The following TTC38 variants were observed in gnomAD, a reference collection of about 807,000 sequenced individuals.
TTC38 encodes the protein tetratricopeptide repeat protein 38.
TTC38 carries 64 observed loss-of-function variants against 64.2 expected under a neutral mutation model. The ratio of observed to expected loss-of-function variants is 1.00; its 90% CI spans 0.81 to 1.23. The LOEUF is 1.23. TTC38 is among the 50% of genes most tolerant of loss of function. The probability of loss-of-function intolerance (pLI) is 0.00; values close to 1 mark genes in which losing one functional copy is unlikely to be tolerated. For missense variants in TTC38, 573 were observed against 615.5 expected (o/e 0.93, Z 0.73); for synonymous variants, 254 against 249.3 (o/e 1.02, Z -0.18).
rs908819818 is a variant in TTC38, at chr22:46,273,056, A to G, written c.193+640A>G. Among the ~76,000 whole-genome samples the G allele has an allele frequency of 2.0e-5, 3 of 152,190 alleles. No individual in the cohort carries two copies. Among genetic ancestry groups the G allele is most frequent in the African/African-American group, 7.2e-5 (3 of 41,452 alleles). Reference sequence around the variant, plus strand: ...CACCCTTCTCACCCTGCTGCAGCCTAGTCAGACTTAAGGCAGGGGACTTGT... The same window carrying G: ...CACCCTTCTCACCCTGCTGCAGCCTGGTCAGACTTAAGGCAGGGGACTTGT... On this transcript the variant is annotated intron_variant, in intron 3 of 13. Coordinates refer to ENST00000381031, the MANE Select transcript of TTC38 (RefSeq NM_017931.4). The surrounding 1 kb of genome is among the most constrained non-coding windows in gnomAD (Gnocchi z 5.1).
Position 46,275,496 on chromosome 22 carries a change from C to G in TTC38, c.539+75C>G, listed in dbSNP as rs989475300. The G allele has an allele frequency of 1.4e-6, 2 of 1,440,594 alleles. No individual in the cohort carries two copies. The highest frequency in any genetic ancestry group is 2.1e-5 in the Admixed American group (1 of 48,694). The allele number at this position is 1,440,594 out of a possible 1,614,324, so 89.2% of individuals were successfully genotyped here. ...TCTGCCCTAAAAATATGGTGACTCT[C>G]TTGGCCCTGTCCTAAAAATAATGGG... is the stretch of plus-strand genomic sequence containing the variant. On this transcript the variant is annotated intron_variant, in intron 5 of 13. Transcript: ENST00000381031. The surrounding 1 kb of genome is among the most constrained non-coding windows in gnomAD (Gnocchi z 4.5).
intron 10 of TTC38, 91 bp downstream of exon 10, chr22:46,287,245 A>G: frequency 8.4e-7 from 1 of 1,192,168 alleles, no homozygotes; most frequent in Non-Finnish European, 1.2e-6. Context: ...GTTGGGCAAG[A>G]GCTCATGGGT....
intron 2 of TTC38, 50 bp downstream of exon 2, chr22:46,268,641 AG>A (rs1441510830): frequency 1.3e-6 from 2 of 1,557,852 alleles, no homozygotes; most frequent in East Asian, 4.5e-5. Context: ...GTCTAGGGGA[AG>A]GTTTTTTAAT....
Position 46,272,830 on chromosome 22 carries a change from G to A in TTC38, c.193+414G>A, listed in dbSNP as rs879901648. Among the ~76,000 whole-genome samples the A allele has an allele frequency of 8.5e-5, 13 of 152,218 alleles. No homozygotes were observed. Among genetic ancestry groups the A allele is most frequent in the Non-Finnish European group, 1.3e-4 (9 of 67,996 alleles). On this transcript the variant is annotated intron_variant, in intron 3 of 13. Transcript: ENST00000381031. The surrounding 1 kb of genome is among the most constrained non-coding windows in gnomAD (Gnocchi z 6.4). ...ATGAGAGGTGGCTGCTGCAGCCTCC[G>A]TCAGGGGACCAGTGAGGCCTCATCC...
In TTC38 at chr22:46,291,155, C is replaced by T. The variant is rs535266302; in HGVS notation, c.1316+1256C>T. Among the ~76,000 whole-genome samples the T allele has an allele frequency of 5.1e-4, 77 of 152,346 alleles. No homozygotes were observed. The highest frequency in any genetic ancestry group is 1.8e-3 in the African/African-American group (74 of 41,568). On this transcript the variant is annotated intron_variant, in intron 13 of 13. Coordinates refer to ENST00000381031, the MANE Select transcript of TTC38 (RefSeq NM_017931.4). This position sits in a 1 kb window ranked among gnomAD's most constrained non-coding sequence, Gnocchi z 4.6. Reference sequence around the variant, plus strand: ...GCCTAGAACTGTAAAATGTCTTGGACGCATGCTCCCCGCTTTCCCCTTCCA... The same window carrying T: ...GCCTAGAACTGTAAAATGTCTTGGATGCATGCTCCCCGCTTTCCCCTTCCA...
At chr22:46,289,218 C>T (rs1244185131) in intron 11 of TTC38, among the ~76,000 whole-genome samples, 184 bp from the exon 12 acceptor site, 1 of 152,162 alleles carries the variant, frequency 6.6e-6, no homozygotes, top group Non-Finnish European at 1.5e-5. Flanking sequence ...AACTCCAACC[C>T]AGCTCTGAGC....
Position 46,281,768 on chromosome 22 carries a change from C to T in TTC38, c.735+50C>T, listed in dbSNP as rs1350147795. ...CTCCCTGGGAAATTCAGTGCATCCCCTTGAGTCAGGCCAAGGCTTTATGGA... is the reference window on the plus strand; with the variant it reads ...CTCCCTGGGAAATTCAGTGCATCCCTTTGAGTCAGGCCAAGGCTTTATGGA... On this transcript the variant is annotated intron_variant, in intron 7 of 13. Coordinates refer to ENST00000381031, the MANE Select transcript of TTC38 (RefSeq NM_017931.4). This position sits in a 1 kb window ranked among gnomAD's most constrained non-coding sequence, Gnocchi z 5.2. The T allele has an allele frequency of 1.9e-6, 3 of 1,610,532 alleles. No individual in the cohort carries two copies. The highest frequency in any genetic ancestry group is 2.2e-5 in the South Asian group (2 of 90,942).
At chr22:46,288,378 C>T (rs572443999) in intron 10 of TTC38, 45 bp from the exon 11 acceptor site, 98 of 1,588,684 alleles carry the variant, frequency 6.2e-5, no homozygotes, top group Non-Finnish European at 1.8e-5. Context: ...GGGACATGCC[C>T]CAGAGCCTCA....
In TTC38 at chr22:46,281,988, C is replaced by A; in HGVS notation, c.735+270C>A. ...CCTTACAGGGCCTGGTCAGGAGGAG[C>A]GAGCAGCCTCTTCAAAGCACATGAG... On this transcript the variant is annotated intron_variant, in intron 7 of 13. Transcript: ENST00000381031. The surrounding 1 kb of genome is among the most constrained non-coding windows in gnomAD (Gnocchi z 5.2). 1 of 600,276 alleles carries A rather than the reference C, an allele frequency of 1.7e-6. No individual in the cohort carries two copies. The highest frequency in any genetic ancestry group is 3.2e-6 in the Non-Finnish European group (1 of 310,538). 37.2% of individuals were successfully genotyped at this position (600,276 alleles called of 1,614,324 possible).
rs1167262612 is a variant in TTC38 at position 46,292,775 on chromosome 22, G to A, written c.1317-16G>A. The A allele has an allele frequency of 1.2e-6, 2 of 1,610,968 alleles. No homozygotes were observed. Among genetic ancestry groups the A allele is most frequent in the Non-Finnish European group, 1.7e-6 (2 of 1,177,300 alleles). On this transcript the variant is annotated splice_polypyrimidine_tract_variant and intron_variant, in intron 13 of 13. Transcript: ENST00000381031. This position sits in a 1 kb window ranked among gnomAD's most constrained non-coding sequence, Gnocchi z 6.5. ...TAGAAGGTTCTGTAACAGGACCTCTGTGTCTGTTTCCACAGGAGCCTTCTG... is the reference window on the plus strand; with the variant it reads ...TAGAAGGTTCTGTAACAGGACCTCTATGTCTGTTTCCACAGGAGCCTTCTG...
Position 46,278,666 on chromosome 22 carries a change from G to T in TTC38, c.615+5G>T. 1.9e-6 allele frequency: 3 copies of T among 1,613,848 alleles called. No homozygotes were observed. The highest frequency in any genetic ancestry group is 2.5e-6 in the Non-Finnish European group (3 of 1,179,712). On this transcript the variant is annotated splice_donor_5th_base_variant and intron_variant, in intron 6 of 13. Transcript: ENST00000381031. ...GCAGAAAAACTCGCCAAAGAGGTAAGTGGGTCCTTCCTAAGGTGCCTGACC... is the reference window on the plus strand; with the variant it reads ...GCAGAAAAACTCGCCAAAGAGGTAATTGGGTCCTTCCTAAGGTGCCTGACC...
intron 12 of TTC38, 120 bp from the exon 13 acceptor site, chr22:46,289,706 C>A: frequency 6.8e-7 from 1 of 1,467,108 alleles, no homozygotes; most frequent in Non-Finnish European, 9.5e-7. Context: ...GTAAGTTCGT[C>A]GTTGAGGGTG....
rs1450569861 is a variant in TTC38 at position 46,282,058 on chromosome 22, G to A, written c.735+340G>A. 14 of 475,540 alleles carry A rather than the reference G, an allele frequency of 2.9e-5. No individual in the cohort carries two copies. Among genetic ancestry groups the A allele is most frequent in the Non-Finnish European group, 4.3e-6 (1 of 234,862 alleles). The allele number at this position is 475,540 out of a possible 1,614,324, so 29.5% of individuals were successfully genotyped here. On this transcript the variant is annotated intron_variant, in intron 7 of 13. Coordinates refer to ENST00000381031, the MANE Select transcript of TTC38 (RefSeq NM_017931.4). This position sits in a 1 kb window ranked among gnomAD's most constrained non-coding sequence, Gnocchi z 4.4. ...CTCTGTGGGATGTGGAAACGCAGAG[G>A]AAGCATTAAACTCAACTGGGCTTGG... is the stretch of plus-strand genomic sequence containing the variant.
chr22:46,272,238 GC>G lies in TTC38; in HGVS notation c.112-95del, dbSNP rs1300428906. 30 of 927,436 alleles carry G rather than the reference GC, an allele frequency of 3.2e-5. No individual in the cohort carries two copies. The African/African-American group carries it at 4.1e-4, about 13-fold the overall frequency. 57.5% of individuals were successfully genotyped at this position (927,436 alleles called of 1,614,324 possible). Reference sequence around the variant, plus strand: ...ACTCCTGACCTCAGATGTTCTGCCCGCCTCGGCCTCCCAAAGTGTAAACCTG... The same window carrying G: ...ACTCCTGACCTCAGATGTTCTGCCCGCTCGGCCTCCCAAAGTGTAAACCTG... On this transcript the variant is annotated intron_variant, in intron 2 of 13. Coordinates refer to ENST00000381031, the MANE Select transcript of TTC38 (RefSeq NM_017931.4). The surrounding 1 kb of genome is among the most constrained non-coding windows in gnomAD (Gnocchi z 6.4).
rs1429924317 is a variant in TTC38 at position 46,276,732 on chromosome 22, A to AATACATATATT, written c.539+1312_539+1313insTACATATATTA. Among the ~76,000 whole-genome samples the AATACATATATT allele has an allele frequency of 2.1e-5, 3 of 141,858 alleles. No homozygotes were observed. Among genetic ancestry groups the AATACATATATT allele is most frequent in the African/African-American group, 7.9e-5 (3 of 37,744 alleles). 93.1% of individuals were successfully genotyped at this position (141,858 alleles called of 152,430 possible). The stretch of plus-strand genomic sequence containing the variant: ...ATATATATTAAAAATATATATATTA[A>AATACATATATT]AAAAATATATATAAAATACATATAT... On this transcript the variant is annotated intron_variant, in intron 5 of 13. Transcript: ENST00000381031. The surrounding 1 kb of genome is among the most constrained non-coding windows in gnomAD (Gnocchi z 4.7).
rs1187644624 is a variant in TTC38, at chr22:46,270,729, G to A, written c.112-1606G>A. Among the ~76,000 whole-genome samples the A allele has an allele frequency of 6.6e-6, 1 of 152,196 alleles. No homozygotes were observed. Among genetic ancestry groups the A allele is most frequent in the Non-Finnish European group, 1.5e-5 (1 of 68,032 alleles). On this transcript the variant is annotated intron_variant, in intron 2 of 13. Coordinates refer to ENST00000381031, the MANE Select transcript of TTC38 (RefSeq NM_017931.4). This position sits in a 1 kb window ranked among gnomAD's most constrained non-coding sequence, Gnocchi z 4.7. ...ATGGGCCTGTAATCCCAGCTACTCGGGAGGCTGAGGCAGAGGAATTCTTGA... is the reference window on the plus strand; with the variant it reads ...ATGGGCCTGTAATCCCAGCTACTCGAGAGGCTGAGGCAGAGGAATTCTTGA...
Position 46,289,383 on chromosome 22 carries a change from C to A in TTC38, c.1083-19C>A, listed in dbSNP as rs1474903842. On this transcript the variant is annotated intron_variant, in intron 11 of 13. Coordinates refer to ENST00000381031, the MANE Select transcript of TTC38 (RefSeq NM_017931.4). ...TCTGTGATGGGCAGGCAGCTGAGGG[C>A]ACCGTCTTGGGTTCGCAGATCCCCA... 3.7e-6 allele frequency: 6 copies of A among 1,603,758 alleles called. No homozygotes were observed. Among genetic ancestry groups the A allele is most frequent in the Non-Finnish European group, 5.1e-6 (6 of 1,178,054 alleles).
In TTC38 at chr22:46,289,516, G is replaced by T; in HGVS notation, c.1197G>T (p.Leu399=). The T allele has an allele frequency of 6.2e-7, 1 of 1,606,850 alleles. No individual in the cohort carries two copies. The highest frequency in any genetic ancestry group is 8.5e-7 in the Non-Finnish European group (1 of 1,178,656). Residue 399 remains leucine, a synonymous_variant, in exon 12 of 14, where the codon CTG becomes CTT. Coordinates refer to ENST00000381031, the MANE Select transcript of TTC38 (RefSeq NM_017931.4). ...GNPDRVLELL[L]PIRYRIVQLG... Reference sequence around the variant, plus strand: ...CTGACCGCGTCCTGGAGCTGCTCCTGCCCATCCGCTACCGGATCGTCCAGC... The same window carrying T: ...CTGACCGCGTCCTGGAGCTGCTCCTTCCCATCCGCTACCGGATCGTCCAGC...
Position 46,287,130 on chromosome 22 carries a change from A to G in TTC38, c.892A>G (p.Met298Val). ...AMLDVVDSCS[M>V]LYRLQMEGVS... ...GCTGGACGTGGTGGACAGCTGCTCC[A>G]TGCTCTACCGCCTGCAGATGGAAGG... is the stretch of plus-strand genomic sequence containing the variant. The change falls in exon 10 of 14, where the codon ATG becomes GTG. Residue 298 changes from methionine to valine, a missense_variant. Transcript: ENST00000381031. The G allele has an allele frequency of 6.2e-7, 1 of 1,605,048 alleles. No individual in the cohort carries two copies. Among genetic ancestry groups the G allele is most frequent in the South Asian group, 1.1e-5 (1 of 90,428 alleles).
Sources: allele counts gnomAD v4.1 joint callset (sites outside exome capture counted in the v4.1 genomes callset), GRCh38; gene constraint gnomAD v4.1.1; non-coding constraint Gnocchi (gnomAD v3.1); transcripts MANE v1.5; gene names NCBI Gene and HGNC (gene_info 2026-07-23, HGNC 2026-07-21).